Variants in ERC2 observed in about 807,000 individuals in gnomAD.
The protein encoded by ERC2 is ERC protein 2.
In ERC2, 42 loss-of-function variants were observed where a neutral mutation model predicts 114.8. The observed-to-expected ratio is 0.37, with a 90% CI of 0.29 to 0.47. The LOEUF (loss-of-function observed/expected upper bound fraction) is 0.47, where lower values mean the gene tolerates loss of function less well. ERC2 is among the 20% of genes least tolerant of loss of function. The pLI, the probability that ERC2 is intolerant of heterozygous loss-of-function variation, is 0.99. For missense variants in ERC2, 939 were observed against 1,150.7 expected (o/e 0.82, Z 2.66); for synonymous variants, 454 against 425.5 (o/e 1.07, Z -0.82).
At chr3:55,696,202 C>A (rs1426414782) in intron 16 of ERC2, among the ~76,000 whole-genome samples, 1 of 152,142 alleles carries the variant, frequency 6.6e-6, no homozygotes, top group Non-Finnish European at 1.5e-5. Context: ...AATTGAATTA[C>A]CTAAGGTAAA....
At chr3:56,279,827 CA>C (rs2054232190) in intron 3 of ERC2, among the ~76,000 whole-genome samples, 1 of 152,056 alleles carries the variant, frequency 6.6e-6, no homozygotes, top group South Asian at 2.1e-4. Flanking sequence ...TAGGCAGACT[CA>C]AAAGTGTGTA....
chr3:56,374,843 T>C (rs2059481431), intron 2 of ERC2, among the ~76,000 whole-genome samples: 3 of 152,216 alleles, frequency 2.0e-5, no homozygotes. Flanking sequence ...CTCATATTTT[T>C]ACATTTCTTT....
chr3:55,561,001 C>T (rs1221783694), intron 17 of ERC2, among the ~76,000 whole-genome samples: 1 of 152,174 alleles, frequency 6.6e-6, no homozygotes, highest in Admixed American at 6.5e-5. Context: ...GGGCCCTCCA[C>T]ACCTCCTCTT....
At chr3:56,391,902 T>C (rs1423852805) in intron 2 of ERC2, among the ~76,000 whole-genome samples, 1 of 152,184 alleles carries the variant, frequency 6.6e-6, no homozygotes, top group East Asian at 1.9e-4. Flanking sequence ...CATCATAATA[T>C]CCCAGATCAT....
chr3:55,691,558 AAAAAAAAAAAAAAAAATATAT>A (rs1302751652), intron 16 of ERC2, among the ~76,000 whole-genome samples: 13 of 64,336 alleles, frequency 2.0e-4, no homozygotes, highest in African/African-American at 6.8e-4. Flanking sequence ...AAAAAAAAAA[AAAAAAAAAAAAAAAAATATAT>A]ATATATATAT....
At chr3:56,258,995 CT>C (rs2052722567) in intron 3 of ERC2, among the ~76,000 whole-genome samples, 1 of 131,102 alleles carries the variant, frequency 7.6e-6, no homozygotes, top group Non-Finnish European at 1.6e-5. Flanking sequence ...TTTTTTGAGA[CT>C]GAGTTTTGCT....
chr3:55,920,180 T>A (rs1442287941), intron 13 of ERC2, among the ~76,000 whole-genome samples: 1 of 152,088 alleles, frequency 6.6e-6, no homozygotes, highest in East Asian at 1.9e-4. Flanking sequence ...ATATTTTATC[T>A]CTTTAAAAAT....
At chr3:56,079,283 G>A (rs2077118053) in intron 7 of ERC2, among the ~76,000 whole-genome samples, 2 of 151,934 alleles carry the variant, frequency 1.3e-5, no homozygotes, top group Non-Finnish European at 2.9e-5. Context: ...AAGTCTTCCA[G>A]ATCTGATGTG....
intron 1 of ERC2, among the ~76,000 whole-genome samples, chr3:56,459,788 T>G (rs1364942119): frequency 6.6e-6 from 1 of 152,188 alleles, no homozygotes; most frequent in Non-Finnish European, 1.5e-5. Flanking sequence ...CCTTTATTTA[T>G]TTTCTTCTCT....
At chr3:56,344,553 T>C (rs1270773653) in intron 2 of ERC2, among the ~76,000 whole-genome samples, 3 of 152,224 alleles carry the variant, frequency 2.0e-5, no homozygotes, top group Non-Finnish European at 4.4e-5. Context: ...AACATCATCC[T>C]CTAAGAAAGG....
At chr3:56,288,870 A>G (rs1291691438) in intron 3 of ERC2, among the ~76,000 whole-genome samples, 2 of 152,240 alleles carry the variant, frequency 1.3e-5, no homozygotes, top group Non-Finnish European at 2.9e-5. Flanking sequence ...CTTACTCGGG[A>G]AAGAGGCACA....
At chr3:56,023,424 G>A (rs927303923) in intron 7 of ERC2, among the ~76,000 whole-genome samples, 1 of 152,058 alleles carries the variant, frequency 6.6e-6, no homozygotes, top group Non-Finnish European at 1.5e-5. Flanking sequence ...TCCCTAGCAC[G>A]AGGATCTCCT....
chr3:55,689,769 C>T (rs1431248619), intron 16 of ERC2, among the ~76,000 whole-genome samples: 1 of 150,610 alleles, frequency 6.6e-6, no homozygotes, highest in Non-Finnish European at 1.5e-5. Flanking sequence ...CTCACTCCAG[C>T]CTGGGCAACA....
intron 8 of ERC2, among the ~76,000 whole-genome samples, chr3:56,013,142 C>T (rs930820695): frequency 2.9e-4 from 44 of 152,134 alleles, no homozygotes; most frequent in Non-Finnish European, 2.9e-5. Flanking sequence ...TCTTAACTCA[C>T]GGAGAGGCAT....
intron 2 of ERC2, among the ~76,000 whole-genome samples, chr3:56,319,280 T>A (rs185562805): frequency 1.3e-5 from 2 of 151,518 alleles, no homozygotes; most frequent in African/African-American, 4.8e-5. Flanking sequence ...AAATGTGGTA[T>A]ATACACACAA....
intron 14 of ERC2, among the ~76,000 whole-genome samples, chr3:55,850,154 T>C (rs1237553170): frequency 6.6e-6 from 1 of 152,238 alleles, no homozygotes; most frequent in African/African-American, 2.4e-5. Flanking sequence ...TTCTGGTCTG[T>C]GTCTCTGTGT....
chr3:56,349,817 G>A (rs1019592853), intron 2 of ERC2, among the ~76,000 whole-genome samples: 2 of 151,968 alleles, frequency 1.3e-5, no homozygotes, highest in African/African-American at 4.8e-5. Flanking sequence ...GGAAGCTGAG[G>A]CAGGAGAATC....
chr3:55,627,942 T>G (rs2059587835), intron 17 of ERC2, among the ~76,000 whole-genome samples: 3 of 151,326 alleles, frequency 2.0e-5, no homozygotes, highest in African/African-American at 4.9e-5. Flanking sequence ...TAGCTACTGA[T>G]TTAGTCCTTT....
At chr3:55,959,923 C>T (rs17056288) in intron 12 of ERC2, among the ~76,000 whole-genome samples, 23,829 of 152,110 alleles carry the variant, frequency 0.16, 2,007 homozygotes, top group East Asian at 0.31. Flanking sequence ...CATCTGTGCC[C>T]GCATGAAAAT....
Sources: gnomAD v4.1 joint callset for allele counts (sites outside exome capture counted in the v4.1 genomes callset) on GRCh38, gnomAD v4.1.1 for gene constraint, MANE v1.5 for transcripts, NCBI Gene and HGNC (gene_info 2026-07-23, HGNC 2026-07-21) for gene names.